The following ARHGAP26 variants were observed in gnomAD, a reference collection of about 807,000 sequenced individuals.
The protein encoded by ARHGAP26 is Rho GTPase activating protein 26.
ARHGAP26 carries 38 observed loss-of-function variants against 104.8 expected under a neutral mutation model. The ratio of observed to expected loss-of-function variants is 0.36; its 90% CI spans 0.28 to 0.48. ARHGAP26 has a LOEUF of 0.48. ARHGAP26 is among the 20% of genes least tolerant of loss of function. The probability of loss-of-function intolerance (pLI) is 0.99; values close to 1 mark genes in which losing one functional copy is unlikely to be tolerated. For missense variants in ARHGAP26, 704 were observed against 947.9 expected (o/e 0.74, Z 3.38); for synonymous variants, 341 against 340.0 (o/e 1.00, Z -0.03).
intron 20 of ARHGAP26, among the ~76,000 whole-genome samples, chr5:143,204,625 C>T (rs1233469461): frequency 1.3e-5 from 2 of 152,126 alleles, no homozygotes; most frequent in Non-Finnish European, 2.9e-5. Context: ...GCCGCACCCC[C>T]AGATAATTTC....
intron 17 of ARHGAP26, among the ~76,000 whole-genome samples, chr5:143,075,343 T>C (rs1788844988): frequency 6.7e-6 from 1 of 150,344 alleles, no homozygotes; most frequent in Non-Finnish European, 1.5e-5. Flanking sequence ...ATTAAAAATA[T>C]GTATAAATTT....
At chr5:143,109,550 G>T (rs1463026263) in intron 17 of ARHGAP26, among the ~76,000 whole-genome samples, 6 of 152,140 alleles carry the variant, frequency 3.9e-5, no homozygotes, top group Non-Finnish European at 1.5e-5. Context: ...CATCTCCTGG[G>T]TTCAAGCCAT....
chr5:143,063,336 C>T (rs895516881), intron 17 of ARHGAP26, among the ~76,000 whole-genome samples: 2 of 152,228 alleles, frequency 1.3e-5, no homozygotes, highest in South Asian at 4.1e-4. Flanking sequence ...CCCTATTGCT[C>T]TGGCTGGTGG....
At chr5:142,881,667 C>T (rs1283175000) in intron 4 of ARHGAP26, among the ~76,000 whole-genome samples, 1 of 149,480 alleles carries the variant, frequency 6.7e-6, no homozygotes, top group South Asian at 2.1e-4. Flanking sequence ...CATCACTCCA[C>T]ACACACATAC....
At chr5:143,186,261 C>A (rs3776232) in intron 20 of ARHGAP26, among the ~76,000 whole-genome samples, 1 of 152,102 alleles carries the variant, frequency 6.6e-6, no homozygotes, top group African/African-American at 2.4e-5. Context: ...AACGTTATGT[C>A]ATGCTGCTTT....
chr5:142,991,080 G>T (rs1038549127), intron 11 of ARHGAP26, among the ~76,000 whole-genome samples: 1 of 152,210 alleles, frequency 6.6e-6, no homozygotes, highest in Non-Finnish European at 1.5e-5. Flanking sequence ...ACAAAGGCAG[G>T]CAGGCATCCT....
chr5:143,039,132 C>T (rs371563275), intron 13 of ARHGAP26, among the ~76,000 whole-genome samples: 2 of 151,900 alleles, frequency 1.3e-5, no homozygotes, highest in African/African-American at 2.4e-5. Context: ...TTACTGTTTC[C>T]CTTTGACTCA....
At chr5:142,980,357 T>TTTTATTTTAG (rs2152727433) in intron 11 of ARHGAP26, among the ~76,000 whole-genome samples, 1 of 130,950 alleles carries the variant, frequency 7.6e-6, no homozygotes, top group East Asian at 2.1e-4. Flanking sequence ...GGAACCTTTA[T>TTTTATTTTAG]TTTATTTTAT....
chr5:143,216,534 C>G (rs981854066), intron 22 of ARHGAP26: 8 of 326,238 alleles, frequency 2.5e-5, no homozygotes, highest in Non-Finnish European at 4.9e-5. Context: ...TCAAATCCAA[C>G]CTGCCACCTG....
At chr5:142,846,354 G>T (rs1719518057) in intron 1 of ARHGAP26, among the ~76,000 whole-genome samples, 3 of 152,212 alleles carry the variant, frequency 2.0e-5, no homozygotes, top group African/African-American at 7.2e-5. Flanking sequence ...CAGTGCATAG[G>T]TGGGAGGGTG....
intron 11 of ARHGAP26, among the ~76,000 whole-genome samples, chr5:143,003,845 G>C (rs1217440998): frequency 6.6e-6 from 1 of 151,906 alleles, no homozygotes; most frequent in African/African-American, 2.4e-5. Context: ...ATTATCTAAG[G>C]GCGCATAGTT....
intron 20 of ARHGAP26, among the ~76,000 whole-genome samples, chr5:143,185,709 C>T (rs1805038506): frequency 6.6e-6 from 1 of 152,204 alleles, no homozygotes; most frequent in Non-Finnish European, 1.5e-5. Context: ...AGACACGGTG[C>T]CCACCTCTTG....
rs1477201985 is a variant in ARHGAP26 at position 143,222,522 on chromosome 5, C to G, written c.*76C>G. ...GCTGATTCCAGTGTCGAGGCCATTT[C>G]TCTTTGCCACTGAGAAATGCAGCGT... is the stretch of plus-strand genomic sequence containing the variant. On this transcript the variant is annotated 3_prime_UTR_variant, in exon 23 of 23. Transcript: ENST00000645722. The G allele has an allele frequency of 1.7e-6, 2 of 1,202,060 alleles. No homozygotes were observed. The highest frequency in any genetic ancestry group is 3.6e-5 in the South Asian group (2 of 55,278). 74.5% of individuals were successfully genotyped at this position (1,202,060 alleles called of 1,614,324 possible).
rs1782801847 is a variant in ARHGAP26, at chr5:143,037,260, A to G, written c.1209A>G (p.Arg403=). The G allele has an allele frequency of 1.3e-6, 2 of 1,595,758 alleles. No homozygotes were observed. Among genetic ancestry groups the G allele is most frequent in the Non-Finnish European group, 1.7e-6 (2 of 1,166,250 alleles). The part of the protein sequence containing the change: ...IRKCIHAVET[R]GINEQGLYRI... ...AATGCATCCATGCTGTGGAAACCAG[A>G]GGTAAAGTAGTTTAACAGATGGCAT... The change falls in exon 13 of 23, where the codon AGA becomes AGG. Residue 403 remains arginine, a splice_region_variant and synonymous_variant. Coordinates refer to ENST00000645722, the MANE Select transcript of ARHGAP26 (RefSeq NM_001135608.3).
At chr5:143,109,308 A>T (rs1030407776) in intron 17 of ARHGAP26, among the ~76,000 whole-genome samples, 4 of 152,224 alleles carry the variant, frequency 2.6e-5, no homozygotes, top group African/African-American at 9.6e-5. Context: ...GTTAACACAG[A>T]TATATAGGCG....
At chr5:142,841,082 C>G (rs1770700638) in intron 1 of ARHGAP26, among the ~76,000 whole-genome samples, 1 of 152,150 alleles carries the variant, frequency 6.6e-6, no homozygotes, top group African/African-American at 2.4e-5. Flanking sequence ...CCAGGGACCT[C>G]TGCTTGATTT....
intron 1 of ARHGAP26, among the ~76,000 whole-genome samples, chr5:142,845,466 G>C (rs532361802): frequency 3.0e-4 from 45 of 152,272 alleles, no homozygotes; most frequent in South Asian, 2.3e-3. Flanking sequence ...GATGGAGTCA[G>C]GCCTCTGGGG....
At chr5:142,975,176 C>A (rs1772882490) in intron 11 of ARHGAP26, among the ~76,000 whole-genome samples, 1 of 152,184 alleles carries the variant, frequency 6.6e-6, no homozygotes. Flanking sequence ...GATGTAGCAT[C>A]TGCTTCCCTT....
At chr5:143,116,614 G>T (rs753732875) in intron 17 of ARHGAP26, among the ~76,000 whole-genome samples, 11 of 152,120 alleles carry the variant, frequency 7.2e-5, no homozygotes, top group Admixed American at 4.6e-4. Context: ...GCCCTACAAG[G>T]GTTGGCTACT....
Sources: allele counts gnomAD v4.1 joint callset (sites outside exome capture counted in the v4.1 genomes callset), GRCh38; gene constraint gnomAD v4.1.1; transcripts MANE v1.5; gene names NCBI Gene and HGNC (gene_info 2026-07-23, HGNC 2026-07-21).